OR2L3: variants seen among roughly 807,000 people sequenced by gnomAD.
The protein encoded by OR2L3 is olfactory receptor 2L3.
For missense variants in OR2L3, 369 were observed against 376.6 expected, an observed-to-expected ratio of 0.98 and a Z score of 0.17; for synonymous variants, 131 against 139.1, an observed-to-expected ratio of 0.94 and a Z score of 0.41.
intron 1 of OR2L3, among the ~76,000 whole-genome samples, chr1:248,054,868 A>T (rs1268481940): frequency 6.6e-6 from 1 of 152,186 alleles, no homozygotes; most frequent in Non-Finnish European, 1.5e-5. Flanking sequence ...TTCTAGATAG[A>T]ATCATATCAT....
rs1391083263 is a variant in OR2L3 at position 248,060,998 on chromosome 1, TAGG to T, written c.321_323del (p.Gly108del). ...ATTCAGAGTTTCTTCTTCTCGGCAT[TAGG>T]AGGTGCAGAAGCACTACTTTTGGCA... On this transcript the variant is annotated inframe_deletion, in exon 2 of 2. Transcript: ENST00000359959. The T allele has an allele frequency of 6.2e-7, 1 of 1,613,948 alleles. No homozygotes were observed. Among genetic ancestry groups the T allele is most frequent in the Non-Finnish European group, 8.5e-7 (1 of 1,179,998 alleles).
At chr1:248,054,426 C>G (rs555210696) in intron 1 of OR2L3, among the ~76,000 whole-genome samples, 2 of 151,968 alleles carry the variant, frequency 1.3e-5, no homozygotes, top group South Asian at 2.1e-4. Flanking sequence ...TATGCAAGCT[C>G]TTTTTTGGTT....
intron 1 of OR2L3, among the ~76,000 whole-genome samples, chr1:248,050,837 A>T (rs1663240664): frequency 1.3e-5 from 2 of 152,180 alleles, no homozygotes; most frequent in African/African-American, 4.8e-5. Context: ...ACATTTATGA[A>T]AATTTGCTCT....
In OR2L3 at chr1:248,063,095, T is replaced by G. The variant is rs565136723; in HGVS notation, c.*1475T>G. ...CTATTTGGGTTCTTTAATAGTTCCA[T>G]ACAAATCTTAAATAATGGTTTTTAC... On this transcript the variant is annotated 3_prime_UTR_variant, in exon 2 of 2. Coordinates refer to ENST00000359959, the MANE Select transcript of OR2L3 (RefSeq NM_001004687.2). The G allele has an allele frequency of 6.6e-5, 10 of 152,362 alleles. No homozygotes were observed. The highest frequency in any genetic ancestry group is 2.4e-4 in the African/African-American group (10 of 41,588). 9.4% of individuals were successfully genotyped at this position (152,362 alleles called of 1,614,324 possible). A position where few individuals can be genotyped will look rare whatever the true frequency, so the allele number is the denominator to read the frequency against.
At position 248,062,635 on chromosome 1, in the gene OR2L3, A is replaced by G. The variant is rs1663680749; in HGVS notation, c.*1015A>G. On this transcript the variant is annotated 3_prime_UTR_variant, in exon 2 of 2. Transcript: ENST00000359959. ...AGTTGCAAAAATATAATTAGATAGA[A>G]TGAATAAGAGTATTTGATAGCACAA... The G allele has an allele frequency of 6.6e-6, 1 of 152,214 alleles. No homozygotes were observed. The highest frequency in any genetic ancestry group is 1.5e-5 in the Non-Finnish European group (1 of 68,040). 9.4% of individuals were successfully genotyped at this position (152,214 alleles called of 1,614,324 possible). A position where few individuals can be genotyped will look rare whatever the true frequency, so the allele number is the denominator to read the frequency against.
intron 1 of OR2L3, among the ~76,000 whole-genome samples, chr1:248,058,369 G>A (rs1663508117): frequency 6.6e-6 from 1 of 152,022 alleles, no homozygotes; most frequent in Non-Finnish European, 1.5e-5. Flanking sequence ...GATAGTAACT[G>A]CTCCCTCCTC....
intron 1 of OR2L3, among the ~76,000 whole-genome samples, chr1:248,047,425 A>G (rs1252488567): frequency 6.6e-6 from 1 of 152,212 alleles, no homozygotes; most frequent in African/African-American, 2.4e-5. Flanking sequence ...CATTAAAGTA[A>G]AGGTACAACG....
At chr1:248,054,696 T>C (rs1466113673) in intron 1 of OR2L3, among the ~76,000 whole-genome samples, 1 of 152,208 alleles carries the variant, frequency 6.6e-6, no homozygotes, top group Non-Finnish European at 1.5e-5. Context: ...TTATTATCTT[T>C]GTGGCAATTA....
chr1:248,047,990 T>C (rs1013081400), intron 1 of OR2L3, among the ~76,000 whole-genome samples: 3 of 152,208 alleles, frequency 2.0e-5, no homozygotes, highest in African/African-American at 4.8e-5. Flanking sequence ...TTTTTAGTAA[T>C]TGTAAGAGGT....
At chr1:248,048,915 C>T in intron 1 of OR2L3, among the ~76,000 whole-genome samples, 1 of 135,758 alleles carries the variant, frequency 7.4e-6, no homozygotes, top group East Asian at 2.1e-4. Context: ...CTTTCCTTTT[C>T]TCTCTCTCTT....
intron 1 of OR2L3, among the ~76,000 whole-genome samples, chr1:248,055,373 T>A (rs780772094): frequency 3.9e-5 from 6 of 152,186 alleles, no homozygotes; most frequent in Non-Finnish European, 7.4e-5. Context: ...CATTGCATTG[T>A]TCATCAGGGA....
chr1:248,051,880 G>T (rs548820719), intron 1 of OR2L3, among the ~76,000 whole-genome samples: 255 of 152,092 alleles, frequency 1.7e-3, no homozygotes, highest in Middle Eastern at 3.4e-3. Flanking sequence ...ATGGTTCCAG[G>T]TTTACAATAA....
chr1:248,048,928 T>A (rs1038578100), intron 1 of OR2L3, among the ~76,000 whole-genome samples: 1 of 151,692 alleles, frequency 6.6e-6, no homozygotes, highest in Non-Finnish European at 1.5e-5. Context: ...TCTCTCTTTT[T>A]TTTTTTTTTG....
At chr1:248,058,907 A>T (rs1663528902) in intron 1 of OR2L3, among the ~76,000 whole-genome samples, 1 of 151,894 alleles carries the variant, frequency 6.6e-6, no homozygotes, top group Admixed American at 6.6e-5. Flanking sequence ...GATTTTTCTT[A>T]CTTTGCCTTT....
intron 1 of OR2L3, among the ~76,000 whole-genome samples, chr1:248,052,944 A>G (rs1663318726): frequency 6.6e-6 from 1 of 151,484 alleles, no homozygotes; most frequent in East Asian, 1.9e-4. Flanking sequence ...ATTTTTAATA[A>G]TTATTTTATT....
intron 1 of OR2L3, among the ~76,000 whole-genome samples, chr1:248,055,255 A>G (rs548573875): frequency 1.3e-5 from 2 of 152,276 alleles, no homozygotes; most frequent in African/African-American, 2.4e-5. Context: ...TGATTTGTGT[A>G]TGTACAACCA....
chr1:248,059,937 G>A (rs1663569109), intron 1 of OR2L3, among the ~76,000 whole-genome samples: 1 of 152,010 alleles, frequency 6.6e-6, no homozygotes, highest in Non-Finnish European at 1.5e-5. Context: ...CTACTCAGGA[G>A]GCTGAGGCAG....
At chr1:248,049,002 A>C (rs1663173589) in intron 1 of OR2L3, among the ~76,000 whole-genome samples, 1 of 149,546 alleles carries the variant, frequency 6.7e-6, no homozygotes, top group Non-Finnish European at 1.5e-5. Flanking sequence ...GACCAGCCTT[A>C]TATTGTGATG....
At position 248,062,431 on chromosome 1, in the gene OR2L3, A is replaced by G. The variant is rs1020555913; in HGVS notation, c.*811A>G. On this transcript the variant is annotated 3_prime_UTR_variant, in exon 2 of 2. Transcript: ENST00000359959. ...TATTGAAGACACTGTCTTTTTCCCA[A>G]TGAACAGTCTTGGGTCTGTTGTCAA... 4.0e-5 allele frequency: 6 copies of G among 151,728 alleles called. No homozygotes were observed. The highest frequency in any genetic ancestry group is 7.2e-5 in the African/African-American group (3 of 41,406). The allele number at this position is 151,728 out of a possible 1,614,324, so 9.4% of individuals were successfully genotyped here.
Sources: allele counts gnomAD v4.1 joint callset (sites outside exome capture counted in the v4.1 genomes callset), GRCh38; gene constraint gnomAD v4.1.1; transcripts MANE v1.5; gene names NCBI Gene and HGNC (gene_info 2026-07-23, HGNC 2026-07-21).